CHRM3: variants seen among roughly 807,000 people sequenced by gnomAD.
CHRM3 encodes muscarinic acetylcholine receptor M3.
Under a neutral mutation model 41.8 loss-of-function variants are expected in CHRM3, and 11 were observed. The ratio of observed to expected loss-of-function variants is 0.26; its 90% CI spans 0.17 to 0.44. The LOEUF (loss-of-function observed/expected upper bound fraction) is 0.44. Ranked by LOEUF, CHRM3 falls within the 20% of genes least tolerant of loss-of-function variation. The pLI is 1.00. For synonymous variants in CHRM3, 297 were observed against 301.4 expected, an observed-to-expected ratio of 0.99 and a Z score of 0.15; for missense variants, 571 against 745.4, an observed-to-expected ratio of 0.77 and a Z score of 2.72.
At chr1:239,688,789 T>A (rs1659426810) in intron 5 of CHRM3, among the ~76,000 whole-genome samples, 1 of 138,908 alleles carries the variant, frequency 7.2e-6, no homozygotes. Flanking sequence ...CAATATAATA[T>A]ACAATATTAT....
chr1:239,842,978 T>C (rs1205193788), intron 6 of CHRM3, among the ~76,000 whole-genome samples: 1 of 152,184 alleles, frequency 6.6e-6, no homozygotes, highest in African/African-American at 2.4e-5. Flanking sequence ...AGAGCTTTGC[T>C]GTGATCATCT....
intron 5 of CHRM3, among the ~76,000 whole-genome samples, chr1:239,756,752 G>T (rs1312734747): frequency 1.3e-5 from 2 of 152,148 alleles, no homozygotes; most frequent in African/African-American, 2.4e-5. Context: ...GATGCCCAGA[G>T]TTGACAGCAT....
chr1:239,408,175 C>T (rs1660761406), intron 1 of CHRM3: 1 of 152,064 alleles, frequency 6.6e-6, no homozygotes, highest in Non-Finnish European at 1.5e-5. Context: ...CGGCTTTCCC[C>T]GACTTCATTC....
At chr1:239,736,751 A>G (rs765535781) in intron 5 of CHRM3, among the ~76,000 whole-genome samples, 5 of 152,152 alleles carry the variant, frequency 3.3e-5, no homozygotes, top group Non-Finnish European at 5.9e-5. Flanking sequence ...CACTGGCAGC[A>G]TTGTGTTGTT....
At chr1:239,534,338 T>A (rs1657989441) in intron 2 of CHRM3, among the ~76,000 whole-genome samples, 1 of 152,026 alleles carries the variant, frequency 6.6e-6, no homozygotes. Flanking sequence ...AAAAGAAAAT[T>A]TTAGGAGAAC....
chr1:239,668,629 T>G (rs1477235311), intron 4 of CHRM3, among the ~76,000 whole-genome samples: 1 of 152,218 alleles, frequency 6.6e-6, no homozygotes, highest in Non-Finnish European at 1.5e-5. Flanking sequence ...AATAGAATTT[T>G]GTATTGCCTC....
At chr1:239,753,946 T>C (rs10925971) in intron 5 of CHRM3, among the ~76,000 whole-genome samples, 35,772 of 152,158 alleles carry the variant, frequency 0.24, 5,408 homozygotes, top group Middle Eastern at 0.44. Flanking sequence ...CAGAGCTCAT[T>C]TCCGTTTGAT....
chr1:239,521,621 T>C (rs911994972), intron 2 of CHRM3, among the ~76,000 whole-genome samples: 1 of 152,206 alleles, frequency 6.6e-6, no homozygotes, highest in Admixed American at 6.5e-5. Flanking sequence ...AAAGACTTCT[T>C]GATGCACTGG....
intron 1 of CHRM3, among the ~76,000 whole-genome samples, chr1:239,404,350 G>GAA (rs1217647071): frequency 1.5e-5 from 1 of 68,702 alleles, no homozygotes; most frequent in Non-Finnish European, 2.8e-5. Context: ...GAAAGAGAAA[G>GAA]AGAAAGAAAG....
At chr1:239,796,315 T>C (rs74844492) in intron 5 of CHRM3, among the ~76,000 whole-genome samples, 1 of 151,296 alleles carries the variant, frequency 6.6e-6, no homozygotes, top group Non-Finnish European at 1.5e-5. Flanking sequence ...AAAAAAGAAG[T>C]GGAAAACAAA....
chr1:239,639,439 T>C (rs1039420762), intron 4 of CHRM3, among the ~76,000 whole-genome samples: 32 of 152,342 alleles, frequency 2.1e-4, no homozygotes, highest in African/African-American at 7.2e-4. Context: ...TTTTATTTCA[T>C]TGAGCAGTGG....
chr1:239,890,053 G>T (rs542506294), intron 6 of CHRM3, among the ~76,000 whole-genome samples: 3 of 152,142 alleles, frequency 2.0e-5, no homozygotes, highest in African/African-American at 7.2e-5. Flanking sequence ...GGTGGCTCAC[G>T]CCTGTAATCC....
intron 5 of CHRM3, chr1:239,730,569 G>C (rs1350852428): frequency 6.6e-6 from 1 of 151,988 alleles, no homozygotes; most frequent in Non-Finnish European, 1.5e-5. Context: ...GATAAGGAGA[G>C]AGTGGGCATT....
At chr1:239,665,575 G>A (rs1341419954) in intron 4 of CHRM3, among the ~76,000 whole-genome samples, 2 of 151,998 alleles carry the variant, frequency 1.3e-5, no homozygotes, top group Non-Finnish European at 2.9e-5. Context: ...GAACTTGCAG[G>A]TTTGTTACAT....
intron 6 of CHRM3, among the ~76,000 whole-genome samples, chr1:239,867,951 G>A (rs376200347): frequency 1.9e-4 from 29 of 152,218 alleles, no homozygotes; most frequent in East Asian, 1.7e-3. Flanking sequence ...TTTCACATAC[G>A]CTTCGGAGGA....
At chr1:239,698,348 T>C (rs192064175) in intron 5 of CHRM3, among the ~76,000 whole-genome samples, 4 of 152,266 alleles carry the variant, frequency 2.6e-5, no homozygotes, top group African/African-American at 9.6e-5. Flanking sequence ...GAATAGCATA[T>C]AGGAAAGGAG....
rs561969011 is a variant in CHRM3 at position 239,455,007 on chromosome 1, C to A, written c.-520-37702C>A. On this transcript the variant is annotated intron_variant, in intron 1 of 6. Transcript: ENST00000676153. ...TGGTGATATATTATTACATTACTGA[C>A]TTATGTATTTACTATACTATATGTT... Among the ~76,000 whole-genome samples the A allele has an allele frequency of 7.9e-5, 12 of 152,120 alleles. No homozygotes were observed. The East Asian group carries it at 2.3e-3, about 29-fold the overall frequency.
At chr1:239,883,282 A>C (rs964005675) in intron 6 of CHRM3, among the ~76,000 whole-genome samples, 1 of 152,174 alleles carries the variant, frequency 6.6e-6, no homozygotes, top group African/African-American at 2.4e-5. Flanking sequence ...GCCTCATTAG[A>C]GGCATCTCTT....
chr1:239,589,265 G>T (rs1663799052), intron 3 of CHRM3, among the ~76,000 whole-genome samples: 1 of 151,890 alleles, frequency 6.6e-6, no homozygotes, highest in Non-Finnish European at 1.5e-5. Context: ...AACTGGAAAA[G>T]TATTAATTCT....
Sources: allele counts gnomAD v4.1 joint callset (sites outside exome capture counted in the v4.1 genomes callset), GRCh38; gene constraint gnomAD v4.1.1; transcripts MANE v1.5; gene names NCBI Gene and HGNC (gene_info 2026-07-23, HGNC 2026-07-21).